MEF2A: variants seen among roughly 807,000 people sequenced by gnomAD.
MEF2A encodes the protein myocyte-specific enhancer factor 2A.
Under a neutral mutation model 55.8 loss-of-function variants are expected in MEF2A, and 28 were observed. The observed-to-expected ratio is 0.50, with a 90% CI of 0.37 to 0.69. MEF2A has a LOEUF of 0.69. Among genes scored for constraint, MEF2A ranks in the 30% least tolerant of loss-of-function variants. The probability of loss-of-function intolerance (pLI) is 0.00; values close to 1 mark genes in which losing one functional copy is unlikely to be tolerated. For missense variants in MEF2A, 528 were observed against 626.2 expected, an observed-to-expected ratio of 0.84 and a Z score of 1.67; for synonymous variants, 239 against 227.1, an observed-to-expected ratio of 1.05 and a Z score of -0.47.
At position 99,714,825 on chromosome 15, in the gene MEF2A, T is replaced by G; in HGVS notation, c.*2054T>G. On this transcript the variant is annotated 3_prime_UTR_variant, in exon 12 of 12. Transcript: ENST00000557942. ...CCCCCCCCCCCACCCCCCCCCCAAATTACGTTCCTTTTGACATTTTCCTCA... is the reference window on the plus strand; with the variant it reads ...CCCCCCCCCCCACCCCCCCCCCAAAGTACGTTCCTTTTGACATTTTCCTCA... 1 of 69,216 alleles carries G rather than the reference T, an allele frequency of 1.4e-5. No individual in the cohort carries two copies. Among genetic ancestry groups the G allele is most frequent in the Admixed American group, 2.1e-4 (1 of 4,756 alleles). 4.3% of individuals were successfully genotyped at this position (69,216 alleles called of 1,614,324 possible). A position where few individuals can be genotyped will look rare whatever the true frequency, so the allele number is the denominator to read the frequency against.
intron 7 of MEF2A, among the ~76,000 whole-genome samples, chr15:99,676,296 T>C (rs912475012): frequency 6.6e-6 from 1 of 152,170 alleles, no homozygotes; most frequent in Non-Finnish European, 1.5e-5. Context: ...AGTTAAACAC[T>C]AGGGCTGCTA....
chr15:99,584,458 A>G (rs1225435386), intron 1 of MEF2A, among the ~76,000 whole-genome samples: 1 of 152,220 alleles, frequency 6.6e-6, no homozygotes, highest in Non-Finnish European at 1.5e-5. Context: ...GAAAGAATAC[A>G]TAATAGGTTG....
chr15:99,681,542 A>G (rs1459174870), intron 7 of MEF2A, among the ~76,000 whole-genome samples: 1 of 152,182 alleles, frequency 6.6e-6, no homozygotes, highest in Non-Finnish European at 1.5e-5. Context: ...ATGCTTCATG[A>G]AGATGCTGAA....
chr15:99,565,617 G>A (rs898490588), upstream of MEF2A: 2 of 152,252 alleles, frequency 1.3e-5, no homozygotes. Flanking sequence ...AGGAAAGCGA[G>A]CTCCAACCCG....
At chr15:99,683,592 T>A (rs1019628772) in intron 7 of MEF2A, among the ~76,000 whole-genome samples, 1 of 151,608 alleles carries the variant, frequency 6.6e-6, no homozygotes. Flanking sequence ...TTTTTTTTAG[T>A]GGGGTTTCGC....
chr15:99,689,131 T>A (rs2054872610), intron 7 of MEF2A, among the ~76,000 whole-genome samples: 1 of 152,240 alleles, frequency 6.6e-6, no homozygotes. Flanking sequence ...TTTCCTCATT[T>A]CATTAAGGGA....
At chr15:99,670,631 AAGAC>A (rs762412859) in intron 4 of MEF2A, among the ~76,000 whole-genome samples, 1 of 152,178 alleles carries the variant, frequency 6.6e-6, no homozygotes, top group Non-Finnish European at 1.5e-5. Context: ...AAAAAAAGAA[AAGAC>A]AGTTCTCCAG....
chr15:99,675,579 A>G, intron 7 of MEF2A, 121 bp downstream of exon 7: 1 of 770,078 alleles, frequency 1.3e-6, no homozygotes, highest in East Asian at 2.6e-5. Context: ...TCACTAATAC[A>G]TCAAGATAAT....
rs149645371 is a variant in MEF2A at position 99,699,712 on chromosome 15, G to T, written c.859-3650G>T. 2.9e-3 allele frequency among the ~76,000 whole-genome samples: 441 copies of T among 152,266 alleles called. 1 individual carries two copies. Among genetic ancestry groups the T allele is most frequent in the African/African-American group, 0.01 (416 of 41,558 alleles). On this transcript the variant is annotated intron_variant, in intron 8 of 11. Transcript: ENST00000557942. ...GGATACTGTAAGGTTAGAGACCAAC[G>T]AAATTGTAGCAAATCACTGTGCTCT...
At position 99,712,537 on chromosome 15, in the gene MEF2A, G is replaced by T. The variant is rs1193162148; in HGVS notation, c.1284G>T (p.Gln428His). 2 of 1,524,254 alleles carry T rather than the reference G, an allele frequency of 1.3e-6. No individual in the cohort carries two copies. The highest frequency in any genetic ancestry group is 1.8e-6 in the Non-Finnish European group (2 of 1,134,378). The allele number at this position is 1,524,254 out of a possible 1,614,324, so 94.4% of individuals were successfully genotyped here. A position where few individuals can be genotyped will look rare whatever the true frequency, so the allele number is the denominator to read the frequency against. ...AGCAGCAGCAGCAGCAGCAGCAGCAGCCGCCGCCACCACCGCAGCCCCAGC... is the reference window on the plus strand; with the variant it reads ...AGCAGCAGCAGCAGCAGCAGCAGCATCCGCCGCCACCACCGCAGCCCCAGC... ...QQQQQQQQQQ[Q>H]PPPPPQPQPQ... The change falls in exon 12 of 12, where the codon CAG becomes CAT. Residue 428 changes from glutamine to histidine, a missense_variant. Physicochemically the swap from Gln to His is conservative, Grantham distance 24. This residue lies in a region of MEF2A where 450 missense variants were observed against 475.3 expected (regional missense o/e 0.95). Coordinates refer to ENST00000557942, the MANE Select transcript of MEF2A (RefSeq NM_001319206.4). The surrounding 1 kb of genome is among the most constrained non-coding windows in gnomAD (Gnocchi z 4.1).
At chr15:99,683,101 T>G (rs1428759781) in intron 7 of MEF2A, among the ~76,000 whole-genome samples, 1 of 152,220 alleles carries the variant, frequency 6.6e-6, no homozygotes, top group Non-Finnish European at 1.5e-5. Context: ...ATATGATCTC[T>G]ACTCGACAGG....
chr15:99,583,426 C>G (rs988202541), intron 1 of MEF2A, among the ~76,000 whole-genome samples: 8 of 152,108 alleles, frequency 5.3e-5, no homozygotes, highest in African/African-American at 1.9e-4. Context: ...TAACCAAAGT[C>G]ATGCATATTT....
rs528580564 is a variant in MEF2A, at chr15:99,697,071, A to G, written c.859-6291A>G. Among the ~76,000 whole-genome samples, 4 of 152,110 alleles carry G rather than the reference A, an allele frequency of 2.6e-5. No homozygotes were observed. In the South Asian group the frequency reaches 6.2e-4, roughly 24 times the overall value. On this transcript the variant is annotated intron_variant, in intron 8 of 11. Coordinates refer to ENST00000557942, the MANE Select transcript of MEF2A (RefSeq NM_001319206.4). ...TCATCATTTAAAAAAAAAAATCTCAATGAACTAGTAATAGAAAGGAACTTA... is the reference window on the plus strand; with the variant it reads ...TCATCATTTAAAAAAAAAAATCTCAGTGAACTAGTAATAGAAAGGAACTTA...
intron 4 of MEF2A, among the ~76,000 whole-genome samples, chr15:99,655,168 G>A (rs1483826006): frequency 6.6e-6 from 1 of 152,106 alleles, no homozygotes; most frequent in Non-Finnish European, 1.5e-5. Flanking sequence ...ATAGGGATAG[G>A]CATGTAGTTC....
Position 99,658,359 on chromosome 15 carries a change from G to A in MEF2A, c.258+12595G>A, listed in dbSNP as rs562540784. Among the ~76,000 whole-genome samples, 5 of 152,226 alleles carry A rather than the reference G, an allele frequency of 3.3e-5. No individual in the cohort carries two copies. In the East Asian group the frequency reaches 9.6e-4, roughly 29 times the overall value. ...CCGCAGAGAGAATTTGTGAACCAAAGATAGAAGAAATTATCTAGAATTCAA... is the reference window on the plus strand; with the variant it reads ...CCGCAGAGAGAATTTGTGAACCAAAAATAGAAGAAATTATCTAGAATTCAA... On this transcript the variant is annotated intron_variant, in intron 4 of 11. Coordinates refer to ENST00000557942, the MANE Select transcript of MEF2A (RefSeq NM_001319206.4).
intron 2 of MEF2A, among the ~76,000 whole-genome samples, chr15:99,627,128 C>T (rs147976415): frequency 1.8e-4 from 27 of 151,670 alleles, no homozygotes; most frequent in African/African-American, 6.5e-4. Context: ...GGGTTGGAGC[C>T]AAAAGGAGGT....
intron 3 of MEF2A, among the ~76,000 whole-genome samples, chr15:99,637,104 TG>T (rs2044014771): frequency 6.6e-6 from 1 of 152,038 alleles, no homozygotes; most frequent in Non-Finnish European, 1.5e-5. Context: ...TATCTGGTGG[TG>T]TAGTTCTGCA....
intron 1 of MEF2A, among the ~76,000 whole-genome samples, chr15:99,591,674 A>G (rs1041387536): frequency 6.6e-6 from 1 of 151,970 alleles, no homozygotes; most frequent in African/African-American, 2.4e-5. Context: ...ATCTTCTCAC[A>G]GGTTCTTCAT....
chr15:99,619,156 A>G (rs899527130), intron 2 of MEF2A, among the ~76,000 whole-genome samples: 2 of 152,210 alleles, frequency 1.3e-5, no homozygotes, highest in African/African-American at 4.8e-5. Context: ...CTCCTTTGGC[A>G]GCAGTGAGAT....
Sources: gnomAD v4.1 joint callset for allele counts (sites outside exome capture counted in the v4.1 genomes callset) on GRCh38, gnomAD v4.1.1 for gene constraint, gnomAD v4.1.1 regional missense constraint, Gnocchi (gnomAD v3.1) non-coding constraint, MANE v1.5 for transcripts, NCBI Gene and HGNC (gene_info 2026-07-23, HGNC 2026-07-21) for gene names.